SYT7: variants seen among roughly 807,000 people sequenced by gnomAD.
The protein encoded by SYT7 is synaptotagmin-7.
A neutral mutation model predicts 75.1 loss-of-function variants in SYT7; 29 were observed. The observed-to-expected ratio is 0.39, with a 90% CI of 0.29 to 0.53. The LOEUF (loss-of-function observed/expected upper bound fraction) is 0.53. Among genes scored for constraint, SYT7 ranks in the 20% least tolerant of loss-of-function variants. The pLI is 0.77. For missense variants in SYT7, 693 were observed against 953.2 expected (o/e 0.73, Z 3.59); for synonymous variants, 376 against 401.7 (o/e 0.94, Z 0.76).
At chr11:61,554,559 C>T (rs2063441102) in intron 2 of SYT7, among the ~76,000 whole-genome samples, 1 of 152,182 alleles carries the variant, frequency 6.6e-6, no homozygotes, top group African/African-American at 2.4e-5. Flanking sequence ...AGCGCCTGCT[C>T]ATGCAGCCTT....
At chr11:61,552,115 C>T (rs1268377570) in intron 2 of SYT7, among the ~76,000 whole-genome samples, 1 of 152,108 alleles carries the variant, frequency 6.6e-6, no homozygotes, top group Non-Finnish European at 1.5e-5. Flanking sequence ...GAGTCCCTCA[C>T]ACTAGCAGGG....
intron 1 of SYT7, among the ~76,000 whole-genome samples, chr11:61,567,433 C>T (rs1476902912): frequency 3.3e-5 from 5 of 151,942 alleles, no homozygotes; most frequent in Admixed American, 3.3e-4. Flanking sequence ...CCTGGGGCTG[C>T]GCCCTCTTCC....
At chr11:61,571,716 G>T (rs534132472) in intron 1 of SYT7, among the ~76,000 whole-genome samples, 7 of 152,374 alleles carry the variant, frequency 4.6e-5, no homozygotes, top group African/African-American at 1.7e-4. Context: ...TGGGGGTGGA[G>T]AGGGAGAGAA....
intron 8 of SYT7, 48 bp from the exon 9 acceptor site, chr11:61,528,233 C>T (rs1164560987): frequency 1.3e-6 from 2 of 1,589,168 alleles, no homozygotes; most frequent in Admixed American, 1.7e-5. Flanking sequence ...ATTCTGCTTC[C>T]CCCATGTCCC....
chr11:61,533,218 C>T (rs1346571221), intron 7 of SYT7, 94 bp from the exon 8 acceptor site: 31 of 1,481,834 alleles, frequency 2.1e-5, no homozygotes, highest in Non-Finnish European at 2.2e-5. Flanking sequence ...TCTGAAGACC[C>T]CAGCAGCTGC....
intron 3 of SYT7, among the ~76,000 whole-genome samples, chr11:61,550,606 G>C (rs1022135248): frequency 6.6e-6 from 1 of 152,152 alleles, no homozygotes; most frequent in Non-Finnish European, 1.5e-5. Flanking sequence ...CAGCAAAGAG[G>C]AAGGGGCTGG....
At position 61,533,047 on chromosome 11, in the gene SYT7, G is replaced by A; in HGVS notation, c.1142C>T (p.Thr381Ile). 6.2e-7 allele frequency: 1 copy of A among 1,613,518 alleles called. No homozygotes were observed. The highest frequency in any genetic ancestry group is 1.7e-5 in the Admixed American group (1 of 60,020). The change falls in exon 8 of 13, where the codon ACC becomes ATC. Residue 381 changes from threonine (T) to isoleucine (I), a missense_variant. Thr to Ile is a moderately conservative substitution (Grantham distance 89). This residue lies in a region of SYT7 where 487 missense variants were observed against 593.2 expected (regional missense o/e 0.82). Coordinates refer to ENST00000539008, the MANE Select transcript of SYT7 (RefSeq NM_001365809.2). ...QTPHDESDRR[T>I]EPRSSVSDLV... ...GTCTGAGACGGAGGAACGTGGCTCG[G>A]TCCGGCGGTCGGACTCATCGTGGGG... is the stretch of plus-strand genomic sequence containing the variant.
At position 61,551,324 on chromosome 11, in the gene SYT7, G is replaced by T; in HGVS notation, c.215+60C>A. ...GTCTGTGGGGCTGGGGGAGAGAAGG[G>T]GCTCCTCCCACCTGGGCTGCTTGTG... On this transcript the variant is annotated intron_variant, in intron 3 of 12. Coordinates refer to ENST00000539008, the MANE Select transcript of SYT7 (RefSeq NM_001365809.2). This position sits in a 1 kb window ranked among gnomAD's most constrained non-coding sequence, Gnocchi z 5.3. The T allele has an allele frequency of 6.6e-7, 1 of 1,515,682 alleles. No individual in the cohort carries two copies. The allele number at this position is 1,515,682 out of a possible 1,614,324, so 93.9% of individuals were successfully genotyped here.
At chr11:61,538,065 C>T (rs1024482415) in intron 7 of SYT7, 79 bp downstream of exon 7, 5 of 1,514,868 alleles carry the variant, frequency 3.3e-6, no homozygotes, top group African/African-American at 2.8e-5. Context: ...GTCCAGCAGC[C>T]GGGGCCGGTC....
intron 8 of SYT7, among the ~76,000 whole-genome samples, chr11:61,531,801 G>A (rs1343988490): frequency 6.6e-6 from 1 of 151,088 alleles, no homozygotes; most frequent in African/African-American, 2.4e-5. Context: ...GGCTGAGGGA[G>A]GAGAATCACT....
rs536575463 is a variant in SYT7, at chr11:61,523,372, C to T, written c.1757-98G>A. The T allele has an allele frequency of 1.5e-5, 18 of 1,214,988 alleles. No homozygotes were observed. Among genetic ancestry groups the T allele is most frequent in the South Asian group, 3.8e-5 (3 of 78,336 alleles). 75.3% of individuals were successfully genotyped at this position (1,214,988 alleles called of 1,614,324 possible). The stretch of plus-strand genomic sequence containing the variant: ...GGAATGGAAGCTGAGGCAGGAGGGC[C>T]GTGTGCTTTCCCCAGAGGCAAGGAA... On this transcript the variant is annotated intron_variant, in intron 11 of 12. Transcript: ENST00000539008. The surrounding 1 kb of genome is among the most constrained non-coding windows in gnomAD (Gnocchi z 5.0).
At chr11:61,563,726 C>G (rs1028270737) in intron 1 of SYT7, among the ~76,000 whole-genome samples, 11 of 152,174 alleles carry the variant, frequency 7.2e-5, no homozygotes, top group African/African-American at 2.7e-4. Context: ...CTTTCCTTCT[C>G]TATCTTCAAG....
rs2134996643 is a variant in SYT7 at position 61,517,208 on chromosome 11, G to C, written c.*1419C>G. On this transcript the variant is annotated 3_prime_UTR_variant, in exon 13 of 13. Coordinates refer to ENST00000539008, the MANE Select transcript of SYT7 (RefSeq NM_001365809.2). Reference sequence around the variant, plus strand: ...TGTATCAATACCAGGACCAGCGTGGGGATGAGAGGGCTTAAGCAGGGATCA... The same window carrying C: ...TGTATCAATACCAGGACCAGCGTGGCGATGAGAGGGCTTAAGCAGGGATCA... 2.5e-6 allele frequency: 1 copy of C among 398,636 alleles called. No homozygotes were observed. Among genetic ancestry groups the C allele is most frequent in the East Asian group, 3.6e-5 (1 of 28,084 alleles). 24.7% of individuals were successfully genotyped at this position (398,636 alleles called of 1,614,324 possible).
intron 1 of SYT7, among the ~76,000 whole-genome samples, chr11:61,560,994 AC>A (rs1261963967): frequency 1.3e-5 from 2 of 152,154 alleles, no homozygotes; most frequent in African/African-American, 4.8e-5. Context: ...GGCTGCCTCT[AC>A]CACATGACAG....
intron 1 of SYT7, among the ~76,000 whole-genome samples, chr11:61,559,195 G>C (rs2063576889): frequency 6.6e-6 from 1 of 152,302 alleles, no homozygotes; most frequent in Non-Finnish European, 1.5e-5. Context: ...AAGGACCCTG[G>C]GAGCACAAAT....
intron 9 of SYT7, among the ~76,000 whole-genome samples, chr11:61,525,054 C>G: frequency 6.6e-6 from 1 of 152,180 alleles, no homozygotes; most frequent in Admixed American, 6.5e-5. Flanking sequence ...TGACTCCACA[C>G]CCCTCTCCTC....
In SYT7 at chr11:61,537,908, G is replaced by A. The variant is rs113010007; in HGVS notation, c.1064+236C>T. Among the ~76,000 whole-genome samples the A allele has an allele frequency of 3.2e-3, 488 of 152,324 alleles. 1 individual carries two copies. The highest frequency in any genetic ancestry group is 0.01 in the Middle Eastern group (3 of 294). On this transcript the variant is annotated intron_variant, in intron 7 of 12. Coordinates refer to ENST00000539008, the MANE Select transcript of SYT7 (RefSeq NM_001365809.2). The stretch of plus-strand genomic sequence containing the variant: ...TCCGGGCCGGGGCAAGCATGCCAGA[G>A]AGCAGGCCTGATCCAGAATGGTCCC...
upstream of SYT7, among the ~76,000 whole-genome samples, chr11:61,584,156 G>A (rs1182226994): frequency 6.6e-6 from 1 of 152,130 alleles, no homozygotes; most frequent in Non-Finnish European, 1.5e-5. Context: ...TTGGGAGGCC[G>A]AGGCGGGCAG....
chr11:61,539,408 T>C (rs1458132265), intron 6 of SYT7: 2 of 152,162 alleles, frequency 1.3e-5, no homozygotes, highest in Non-Finnish European at 2.9e-5. Flanking sequence ...TTGGCGACCC[T>C]GCTGTCCCTG....
Sources: allele counts gnomAD v4.1 joint callset (sites outside exome capture counted in the v4.1 genomes callset), GRCh38; gene constraint gnomAD v4.1.1; regional missense constraint gnomAD v4.1.1; non-coding constraint Gnocchi (gnomAD v3.1); transcripts MANE v1.5; gene names NCBI Gene and HGNC (gene_info 2026-07-23, HGNC 2026-07-21).